The following LTBP2 variants were observed in gnomAD, a reference collection of about 807,000 sequenced individuals.
LTBP2 encodes the protein latent transforming growth factor beta binding protein 2.
LTBP2 carries 103 observed loss-of-function variants against 210.6 expected under a neutral mutation model. The ratio of observed to expected loss-of-function variants is 0.49; its 90% CI spans 0.42 to 0.58. LTBP2 has a LOEUF of 0.58. Among genes scored for constraint, LTBP2 ranks in the 20% least tolerant of loss-of-function variants. LTBP2 has a pLI of 0.00. For synonymous variants in LTBP2, 1,007 were observed against 1,015.0 expected (o/e 0.99, Z 0.15); for missense variants, 2,313 against 2,494.5 (o/e 0.93, Z 1.55).
chr14:74,554,276 G>T (rs1026472954), intron 4 of LTBP2, among the ~76,000 whole-genome samples: 1 of 152,140 alleles, frequency 6.6e-6, no homozygotes, highest in African/African-American at 2.4e-5. Flanking sequence ...GAGGCAGGAG[G>T]ATCACTTGAG....
At chr14:74,607,968 C>T (rs961490969) in intron 1 of LTBP2, among the ~76,000 whole-genome samples, 11 of 149,694 alleles carry the variant, frequency 7.3e-5, no homozygotes, top group Middle Eastern at 3.5e-3. Flanking sequence ...GGCCGGACTG[C>T]GGACTGCAGT....
chr14:74,595,152 C>T (rs1000477119), intron 2 of LTBP2, among the ~76,000 whole-genome samples: 4 of 152,236 alleles, frequency 2.6e-5, no homozygotes, highest in Non-Finnish European at 4.4e-5. Context: ...TTGGGTTTGG[C>T]GGCTGGAGGG....
intron 18 of LTBP2, among the ~76,000 whole-genome samples, chr14:74,516,272 A>C (rs936697881): frequency 6.6e-6 from 1 of 152,220 alleles, no homozygotes; most frequent in African/African-American, 2.4e-5. Flanking sequence ...CGAGACAGGC[A>C]AGGGTCTGTG....
At chr14:74,588,476 C>T (rs2088239053) in intron 2 of LTBP2, among the ~76,000 whole-genome samples, 1 of 152,160 alleles carries the variant, frequency 6.6e-6, no homozygotes, top group Non-Finnish European at 1.5e-5. Flanking sequence ...CCACCTCGGC[C>T]TCCCAAAGTG....
chr14:74,527,538 G>A (rs924892199), intron 12 of LTBP2, among the ~76,000 whole-genome samples, 172 bp from the exon 13 acceptor site: 1 of 152,232 alleles, frequency 6.6e-6, no homozygotes, highest in Non-Finnish European at 1.5e-5. Flanking sequence ...CACCCCTGTA[G>A]GGACTGGCCA....
intron 3 of LTBP2, chr14:74,560,120 G>T (rs2087775641): frequency 1.3e-5 from 2 of 152,142 alleles, no homozygotes; most frequent in African/African-American, 4.8e-5. Flanking sequence ...AACAAAATTG[G>T]GGGAACAACA....
chr14:74,528,607 T>TTCC lies in LTBP2; in HGVS notation c.2241_2243dup (p.Glu748dup). ...CTTGCTCCCTTGGGGGCCTTGCCAG[T>TTCC]TCCTCCTCCTCGGCTTTCCTCATGG... On this transcript the variant is annotated inframe_insertion, in exon 12 of 36. Transcript: ENST00000261978. The TTCC allele has an allele frequency of 6.2e-7, 1 of 1,613,612 alleles. No individual in the cohort carries two copies. The highest frequency in any genetic ancestry group is 8.5e-7 in the Non-Finnish European group (1 of 1,180,030).
chr14:74,506,638 G>GAGGACC, intron 27 of LTBP2, 60 bp downstream of exon 27: 1 of 1,604,896 alleles, frequency 6.2e-7, no homozygotes, highest in Admixed American at 1.7e-5. Context: ...AGTTGAGGAG[G>GAGGACC]AGGACCCCAG....
intron 3 of LTBP2, among the ~76,000 whole-genome samples, chr14:74,559,467 G>A (rs2087766735): frequency 6.6e-6 from 1 of 152,126 alleles, no homozygotes; most frequent in Non-Finnish European, 1.5e-5. Flanking sequence ...ATCCATATAA[G>A]GAGGTTGATA....
At position 74,522,886 on chromosome 14, in the gene LTBP2, CGTT is replaced by C. The variant is rs754603701; in HGVS notation, c.2560_2562del (p.Asn854del). On this transcript the variant is annotated inframe_deletion, in exon 16 of 36. Coordinates refer to ENST00000261978, the MANE Select transcript of LTBP2 (RefSeq NM_000428.3). ...TTCACGCAGGTTCCAGGGCCACAGA[CGTT>C]GGTGGCTCCAGCAGCGCATCTGTCA... The C allele has an allele frequency of 6.2e-6, 10 of 1,612,456 alleles. No individual in the cohort carries two copies. In the African/African-American group the frequency reaches 1.3e-4, roughly 22 times the overall value.
At position 74,505,105 on chromosome 14, in the gene LTBP2, C is replaced by A; in HGVS notation, c.4247G>T (p.Gly1416Val). The A allele has an allele frequency of 6.2e-7, 1 of 1,614,002 alleles. No individual in the cohort carries two copies. Among genetic ancestry groups the A allele is most frequent in the Non-Finnish European group, 8.5e-7 (1 of 1,180,034 alleles). Reference protein sequence around the residue: ...PAPTRMDCYSGQKGHAPCSSV... With the variant: ...PAPTRMDCYSVQKGHAPCSSV... Reference sequence around the variant, plus strand: ...GGAGCAGGGCGCATGGCCCTTCTGCCCGGAGTAGCAGTCCATGCGGGTGGG... The same window carrying A: ...GGAGCAGGGCGCATGGCCCTTCTGCACGGAGTAGCAGTCCATGCGGGTGGG... Residue 1416 changes from glycine to valine, a missense_variant, in exon 29 of 36, where the codon GGG (glycine) becomes GTG (valine). Transcript: ENST00000261978.
At chr14:74,569,176 C>T (rs1035734229) in intron 3 of LTBP2, among the ~76,000 whole-genome samples, 1 of 92,466 alleles carries the variant, frequency 1.1e-5, no homozygotes, top group Non-Finnish European at 2.1e-5. Flanking sequence ...AGAAGGGAAG[C>T]AGGGAGGGAG....
chr14:74,562,503 T>C (rs1274778554), intron 3 of LTBP2, among the ~76,000 whole-genome samples: 1 of 152,136 alleles, frequency 6.6e-6, no homozygotes, highest in East Asian at 1.9e-4. Flanking sequence ...GGGAAAAATA[T>C]GTGCAACTCG....
intron 3 of LTBP2, among the ~76,000 whole-genome samples, chr14:74,571,406 G>A (rs1390685437): frequency 6.6e-6 from 1 of 152,198 alleles, no homozygotes; most frequent in African/African-American, 2.4e-5. Context: ...ACGTGGATTA[G>A]TCAATCCTTC....
Position 74,529,000 on chromosome 14 carries a change from C to T in LTBP2, c.2110G>A (p.Ala704Thr). 1.2e-6 allele frequency: 2 copies of T among 1,608,316 alleles called. No individual in the cohort carries two copies. The highest frequency in any genetic ancestry group is 1.7e-6 in the Non-Finnish European group (2 of 1,177,762). Reference sequence around the variant, plus strand: ...CATTTCTCACACTCGCTGCCCCATGCTTTGCCCACGCGGCTGCAGCAGCAT... The same window carrying T: ...CATTTCTCACACTCGCTGCCCCATGTTTTGCCCACGCGGCTGCAGCAGCAT... ...QICCCSRVGK[A>T]WGSECEKCPL... is the part of the protein sequence containing the mutation. Residue 704 changes from alanine to threonine, a missense_variant, in exon 11 of 36, where the codon GCA becomes ACA. By Grantham distance (58) the Ala-to-Thr change is moderately conservative. This residue lies in a region of LTBP2 where 1,867 missense variants were observed against 1,976.9 expected (regional missense o/e 0.94). Transcript: ENST00000261978.
intron 19 of LTBP2, among the ~76,000 whole-genome samples, chr14:74,510,856 T>C (rs747674419): frequency 6.6e-6 from 1 of 152,196 alleles, no homozygotes; most frequent in Non-Finnish European, 1.5e-5. Flanking sequence ...CGCTGTGCGG[T>C]GGGCGTGCAG....
intron 3 of LTBP2, among the ~76,000 whole-genome samples, chr14:74,579,091 G>A (rs142789554): frequency 0.03 from 4,570 of 152,122 alleles, 215 homozygotes; most frequent in African/African-American, 0.1. Flanking sequence ...TCCTGACCTC[G>A]GGTGATCCAC....
intron 10 of LTBP2, among the ~76,000 whole-genome samples, chr14:74,530,384 C>A (rs2087335445): frequency 6.6e-6 from 1 of 152,224 alleles, no homozygotes; most frequent in Non-Finnish European, 1.5e-5. Flanking sequence ...CCTAGAGCAT[C>A]TGGTGACCAC....
At chr14:74,538,898 G>C (rs956688703) in intron 8 of LTBP2, among the ~76,000 whole-genome samples, 6 of 152,244 alleles carry the variant, frequency 3.9e-5, no homozygotes, top group African/African-American at 1.4e-4. Context: ...ATGAGAGTGA[G>C]GCTGGGAGAT....
Sources: allele counts gnomAD v4.1 joint callset (sites outside exome capture counted in the v4.1 genomes callset), GRCh38; gene constraint gnomAD v4.1.1; regional missense constraint gnomAD v4.1.1; transcripts MANE v1.5; gene names NCBI Gene and HGNC (gene_info 2026-07-23, HGNC 2026-07-21).